The following APOBEC4 variants were observed in gnomAD, a reference collection of about 807,000 sequenced individuals.
The protein encoded by APOBEC4 is putative deaminase APOBEC-4.
For synonymous variants in APOBEC4, 141 were observed against 154.2 expected (o/e 0.91, Z 0.63); for missense variants, 375 against 441.2 (o/e 0.85, Z 1.34).
chr1:183,650,183 C>G (rs1296257757), intron 1 of APOBEC4, among the ~76,000 whole-genome samples: 2 of 152,056 alleles, frequency 1.3e-5, no homozygotes, highest in South Asian at 2.1e-4. Context: ...ATAATATAAA[C>G]AAAGTCATGT....
Position 183,648,485 on chromosome 1 carries a change from A to C in APOBEC4, c.297T>G (p.Phe99Leu). 6.2e-7 allele frequency: 1 copy of C among 1,614,254 alleles called. No individual in the cohort carries two copies. Among genetic ancestry groups the C allele is most frequent in the East Asian group, 2.2e-5 (1 of 44,890 alleles). Residue 99 changes from phenylalanine to leucine, a missense_variant, in exon 2 of 2, where the codon TTT (phenylalanine) becomes TTG (leucine). Coordinates refer to ENST00000308641, the MANE Select transcript of APOBEC4 (RefSeq NM_203454.3). ...GNYIHPESMLFEMNGYLDSAI... is the reference protein window; with the variant it reads ...GNYIHPESMLLEMNGYLDSAI... ...CTGAGTCAAGATAACCATTCATTTC[A>C]AAGAGCATTGATTCTGGATGGATAT...
In APOBEC4 at chr1:183,647,703, T is replaced by C. The variant is rs761122242; in HGVS notation, c.1079A>G (p.Lys360Arg). The change falls in exon 2 of 2, where the codon AAG (lysine) becomes AGG (arginine). Residue 360 changes from lysine to arginine, a missense_variant. Coordinates refer to ENST00000308641, the MANE Select transcript of APOBEC4 (RefSeq NM_203454.3). ...TTATTTCTTCCCTTTCTTCTTCTTC[T>C]TTTCATCTGCCTCCTTGCTACTTGC... is the stretch of plus-strand genomic sequence containing the variant. ...QFASSKEADE[K>R]KKKKGKK 6.2e-7 allele frequency: 1 copy of C among 1,601,724 alleles called. No individual in the cohort carries two copies. The highest frequency in any genetic ancestry group is 8.5e-7 in the Non-Finnish European group (1 of 1,171,022).
In APOBEC4 at chr1:183,647,999, G is replaced by T; in HGVS notation, c.783C>A (p.Tyr261Ter). 6.2e-7 allele frequency: 1 copy of T among 1,614,212 alleles called. No individual in the cohort carries two copies. The highest frequency in any genetic ancestry group is 8.5e-7 in the Non-Finnish European group (1 of 1,180,032). ...NTKAQEALES[Y>*]PLNNAFPGQF... ...GTCCAGGAAAGGCATTGTTTAAGGG[G>T]TAGCTCTCTAAAGCCTCCTGAGCTT... The change falls in exon 2 of 2, where the codon TAC (tyrosine) becomes TAA (stop). Residue 261 changes from tyrosine (Y) to a stop codon, truncating the protein, a stop_gained. Coordinates refer to ENST00000308641, the MANE Select transcript of APOBEC4 (RefSeq NM_203454.3). LOFTEE classifies it low-confidence loss of function (END_TRUNC).
rs753098454 is a variant in APOBEC4 at position 183,648,490 on chromosome 1, G to A, written c.292C>T (p.Leu98Phe). The A allele has an allele frequency of 2.0e-5, 32 of 1,614,074 alleles. No homozygotes were observed. The highest frequency in any genetic ancestry group is 2.6e-5 in the Non-Finnish European group (31 of 1,180,050). Residue 98 changes from leucine to phenylalanine, a missense_variant, in exon 2 of 2, where the codon CTC becomes TTC. By Grantham distance (22) the Leu-to-Phe change is conservative (BLOSUM62 0). Transcript: ENST00000308641. ...TGNYIHPESM[L>F]FEMNGYLDSA... The stretch of plus-strand genomic sequence containing the variant: ...TCAAGATAACCATTCATTTCAAAGA[G>A]CATTGATTCTGGATGGATATAATTC...
chr1:183,647,883 T>C lies in APOBEC4; in HGVS notation c.899A>G (p.Asp300Gly), dbSNP rs16861381. 3,806 of 1,614,144 alleles carry C rather than the reference T, an allele frequency of 2.4e-3. 90 individuals carry two copies. In the African/African-American group the frequency reaches 0.046, roughly 20 times the overall value. ...PVVFVLVPLR[D>G]LPPMHMGQNP... Reference sequence around the variant, plus strand: ...TTGGCCCATATGCATTGGTGGTAAGTCCCTGAGAGGCACTAGCACAAAAAC... The same window carrying C: ...TTGGCCCATATGCATTGGTGGTAAGCCCCTGAGAGGCACTAGCACAAAAAC... The change falls in exon 2 of 2, where the codon GAC becomes GGC. Residue 300 changes from aspartate (D) to glycine (G), a missense_variant. Physicochemically the swap from Asp to Gly is moderately conservative, Grantham distance 94. Transcript: ENST00000308641.
rs1411111476 is a variant in APOBEC4, at chr1:183,646,872, A to T, written c.*806T>A. ...TGGGTAATGTGCTAGATCCTAAGGG[A>T]AAAGCTAAAGAGAAGGGAGAGACAG... On this transcript the variant is annotated 3_prime_UTR_variant, in exon 2 of 2. Coordinates refer to ENST00000308641, the MANE Select transcript of APOBEC4 (RefSeq NM_203454.3). 6.6e-6 allele frequency: 1 copy of T among 152,236 alleles called. No homozygotes were observed. Among genetic ancestry groups the T allele is most frequent in the Non-Finnish European group, 1.5e-5 (1 of 68,034 alleles). The allele number at this position is 152,236 out of a possible 1,614,324, so 9.4% of individuals were successfully genotyped here.
intron 1 of APOBEC4, among the ~76,000 whole-genome samples, chr1:183,650,254 T>TTCTTTAAAAAAAA (rs141508478): frequency 0.063 from 9,613 of 152,172 alleles, 489 homozygotes; most frequent in African/African-American, 0.14. Context: ...TTATTAAAAA[T>TTCTTTAAAAAAAA]AATATTCGGC....
rs145369915 is a variant in APOBEC4, at chr1:183,647,649, A to T, written c.*29T>A. On this transcript the variant is annotated 3_prime_UTR_variant, in exon 2 of 2. Coordinates refer to ENST00000308641, the MANE Select transcript of APOBEC4 (RefSeq NM_203454.3). ...TGCCTATCTAATAAGTCCCTTGGTA[A>T]TTGGTTTCATGCTGTAGGAATGTAG... The T allele has an allele frequency of 7.9e-4, 1,220 of 1,548,590 alleles. 4 individuals are homozygous for T. The highest frequency in any genetic ancestry group is 3.4e-3 in the Admixed American group (172 of 51,186).
chr1:183,651,108 A>G (rs1445069709), intron 1 of APOBEC4, among the ~76,000 whole-genome samples: 2 of 152,006 alleles, frequency 1.3e-5, no homozygotes, highest in African/African-American at 4.8e-5. Context: ...ATTGCACCAA[A>G]TTTTACATTT....
chr1:183,652,133 T>C (rs1650803758), intron 1 of APOBEC4, among the ~76,000 whole-genome samples: 2 of 152,230 alleles, frequency 1.3e-5, no homozygotes, highest in Admixed American at 1.3e-4. Flanking sequence ...AGGTGATGTG[T>C]ATGTGGAGTT....
At chr1:183,650,117 G>A (rs74995936) in intron 1 of APOBEC4, among the ~76,000 whole-genome samples, 1,976 of 152,006 alleles carry the variant, frequency 0.013, 51 homozygotes, top group African/African-American at 0.046. Flanking sequence ...CCAGCCTTCC[G>A]TCACTATTAA....
In APOBEC4 at chr1:183,647,425, C is replaced by T. The variant is rs1650369203; in HGVS notation, c.*253G>A. On this transcript the variant is annotated 3_prime_UTR_variant, in exon 2 of 2. Transcript: ENST00000308641. ...TCTGCATCAAAATATTAGCAAGCTG[C>T]TAATGGTTCCATTTTGATACTGCCA... The T allele has an allele frequency of 5.8e-6, 2 of 346,848 alleles. No individual in the cohort carries two copies. The highest frequency in any genetic ancestry group is 2.1e-5 in the African/African-American group (1 of 47,630). 21.5% of individuals were successfully genotyped at this position (346,848 alleles called of 1,614,324 possible).
rs1328611092 is a variant in APOBEC4 at position 183,648,102 on chromosome 1, T to C, written c.680A>G (p.Tyr227Cys). 1.5e-5 allele frequency: 24 copies of C among 1,614,140 alleles called. No homozygotes were observed. The highest frequency in any genetic ancestry group is 1.9e-5 in the Non-Finnish European group (22 of 1,180,064). ...GRALADRHNA[Y>C]EINAITGVKP... The stretch of plus-strand genomic sequence containing the variant: ...TACGCCTGTTATGGCATTGATTTCA[T>C]ATGCGTTGTGCCTGTCAGCCAGTGC... Residue 227 changes from tyrosine (Y) to cysteine (C), a missense_variant, in exon 2 of 2, where the codon TAT (tyrosine) becomes TGT (cysteine). Physicochemically the swap from Tyr to Cys is radical, Grantham distance 194 (BLOSUM62 -2). Coordinates refer to ENST00000308641, the MANE Select transcript of APOBEC4 (RefSeq NM_203454.3).
intron 1 of APOBEC4, among the ~76,000 whole-genome samples, chr1:183,652,474 T>C (rs1650831430): frequency 6.6e-6 from 1 of 152,220 alleles, no homozygotes; most frequent in South Asian, 2.1e-4. Context: ...ATCACCCTCA[T>C]CTGAAGAGGA....
In APOBEC4 at chr1:183,648,776, C is replaced by T. The variant is rs1650505839; in HGVS notation, c.6G>A (p.Glu2=). 1 of 1,587,986 alleles carries T rather than the reference C, an allele frequency of 6.3e-7. No individual in the cohort carries two copies. Among genetic ancestry groups the T allele is most frequent in the African/African-American group, 1.4e-5 (1 of 73,686 alleles). ...TTGCTAGGTACTCCTCATATATGGG[C>T]TCCATTGCTAGATTTACTGTCTTCT... is the stretch of plus-strand genomic sequence containing the variant. M[E]PIYEEYLANH... Residue 2 remains glutamate (E), a synonymous_variant, in exon 2 of 2, where the codon GAG becomes GAA. Transcript: ENST00000308641.
At chr1:183,650,370 C>T (rs1650639994) in intron 1 of APOBEC4, among the ~76,000 whole-genome samples, 1 of 151,956 alleles carries the variant, frequency 6.6e-6, no homozygotes, top group African/African-American at 2.4e-5. Context: ...GGTGAAACCC[C>T]GTCTCTACTA....
chr1:183,648,917 G>A, intron 1 of APOBEC4, 106 bp from the exon 2 acceptor site: 1 of 692,656 alleles, frequency 1.4e-6, no homozygotes, highest in Non-Finnish European at 2.4e-6. Context: ...GCACAATAAA[G>A]ATAGTGATAT....
chr1:183,651,015 A>G (rs1222964913), intron 1 of APOBEC4, among the ~76,000 whole-genome samples: 1 of 152,188 alleles, frequency 6.6e-6, no homozygotes, highest in East Asian at 1.9e-4. Flanking sequence ...ATTTTTATGC[A>G]TCAAGAATAT....
intron 1 of APOBEC4, 82 bp from the exon 2 acceptor site, chr1:183,648,893 C>T (rs1257943291): frequency 2.3e-6 from 2 of 853,282 alleles, no homozygotes; most frequent in African/African-American, 3.4e-5. Flanking sequence ...ACCATACTTT[C>T]TTTAAAGGAA....
Sources: allele counts gnomAD v4.1 joint callset (sites outside exome capture counted in the v4.1 genomes callset), GRCh38; gene constraint gnomAD v4.1.1; transcripts MANE v1.5; gene names NCBI Gene and HGNC (gene_info 2026-07-23, HGNC 2026-07-21).